Variants in DBP observed in about 807,000 individuals in gnomAD.
The protein encoded by DBP is D-box binding PAR bZIP transcription factor.
Under a neutral mutation model 21.4 loss-of-function variants are expected in DBP, and 12 were observed. That is an observed-to-expected ratio of 0.56 (90% CI 0.36 to 0.91). The LOEUF is 0.91. Among genes scored for constraint, DBP ranks in the 40% least tolerant of loss-of-function variants. The probability of loss-of-function intolerance (pLI) is 0.01; values close to 1 mark genes in which losing one functional copy is unlikely to be tolerated. For synonymous variants in DBP, 213 were observed against 224.9 expected, an observed-to-expected ratio of 0.95 and a Z score of 0.47; for missense variants, 423 against 473.4, an observed-to-expected ratio of 0.89 and a Z score of 0.99.
chr19:48,633,809 A>G (rs950425043), intron 2 of DBP, 154 bp from the exon 3 acceptor site: 1 of 678,390 alleles, frequency 1.5e-6, no homozygotes, highest in Non-Finnish European at 2.5e-6. Flanking sequence ...TAAAATATGA[A>G]GGTTCCCTTG....
intron 3 of DBP, chr19:48,633,096 C>G (rs1169096510): frequency 2.0e-6 from 1 of 509,396 alleles, no homozygotes; most frequent in Non-Finnish European, 3.5e-6. Context: ...CAGGCACAAG[C>G]AGTCCTCCCA....
chr19:48,634,533 A>G, intron 2 of DBP: 1 of 247,132 alleles, frequency 4.0e-6, no homozygotes, highest in Non-Finnish European at 6.5e-6. Context: ...AGCCGGGGCC[A>G]GCTAAGGACA....
At chr19:48,631,105 C>A in intron 3 of DBP, 53 bp from the exon 4 acceptor site, 1 of 1,527,340 alleles carries the variant, frequency 6.5e-7, no homozygotes. Flanking sequence ...CAGGTCCCAG[C>A]GAGAGAGGAA....
chr19:48,635,087 C>G, intron 2 of DBP: 8 of 987,460 alleles, frequency 8.1e-6, no homozygotes, highest in African/African-American at 1.7e-5. Context: ...GCACGCCCCA[C>G]TGGGGGACCC....
At position 48,630,463 on chromosome 19, in the gene DBP, C is replaced by A. The variant is rs1385546158; in HGVS notation, c.*374G>T. 6.8e-6 allele frequency: 10 copies of A among 1,469,488 alleles called. No homozygotes were observed. The highest frequency in any genetic ancestry group is 1.4e-5 in the African/African-American group (1 of 70,422). The allele number at this position is 1,469,488 out of a possible 1,614,324, so 91.0% of individuals were successfully genotyped here. ...CGGGAGGACTCAGACTCCAGCACTT[C>A]CAGCAGCGCCTGCCCTCTATGGACG... is the stretch of plus-strand genomic sequence containing the variant. On this transcript the variant is annotated 3_prime_UTR_variant, in exon 4 of 4. Coordinates refer to ENST00000222122, the MANE Select transcript of DBP (RefSeq NM_001352.5). The surrounding 1 kb of genome is among the most constrained non-coding windows in gnomAD (Gnocchi z 4.9).
intron 1 of DBP, among the ~76,000 whole-genome samples, chr19:48,636,335 G>GA (rs541555305): frequency 1.8e-4 from 28 of 152,060 alleles, no homozygotes; most frequent in South Asian, 8.3e-4. Context: ...GCAGGTGAGA[G>GA]AAAAAATGAC....
intron 1 of DBP, 41 bp downstream of exon 1, chr19:48,636,815 G>A: frequency 2.5e-6 from 4 of 1,606,686 alleles, no homozygotes; most frequent in Non-Finnish European, 2.5e-6. Flanking sequence ...CCCTAAGGGG[G>A]TAGGGTGTCC....
At position 48,630,561 on chromosome 19, in the gene DBP, C is replaced by T; in HGVS notation, c.*276G>A. On this transcript the variant is annotated 3_prime_UTR_variant, in exon 4 of 4. Coordinates refer to ENST00000222122, the MANE Select transcript of DBP (RefSeq NM_001352.5). The surrounding 1 kb of genome is among the most constrained non-coding windows in gnomAD (Gnocchi z 4.9). ...CCCTCTTCTTCCACAACAGCTGGCT[C>T]TGGGGTTCTCAAGATTTATTCAGGA... 6.5e-7 allele frequency: 1 copy of T among 1,535,290 alleles called. No homozygotes were observed. Among genetic ancestry groups the T allele is most frequent in the Non-Finnish European group, 8.7e-7 (1 of 1,146,554 alleles).
intron 1 of DBP, 75 bp from the exon 2 acceptor site, chr19:48,636,065 G>A (rs2030781668): frequency 3.3e-5 from 45 of 1,373,568 alleles, no homozygotes; most frequent in African/African-American, 4.6e-5. Flanking sequence ...CCCCGAGTCC[G>A]AGAGGCACAG....
chr19:48,636,626 G>A (rs1053907261), intron 1 of DBP, among the ~76,000 whole-genome samples: 4 of 152,184 alleles, frequency 2.6e-5, no homozygotes, highest in African/African-American at 7.2e-5. Context: ...CGGGGAGGAC[G>A]TTGGGGACGT....
In DBP at chr19:48,634,175, C is replaced by G. The variant is rs2030697964; in HGVS notation, c.551-520G>C. 6.8e-5 allele frequency: 11 copies of G among 162,352 alleles called. No homozygotes were observed. The South Asian group carries it at 1.6e-3, about 24-fold the overall frequency. 10.1% of individuals were successfully genotyped at this position (162,352 alleles called of 1,614,324 possible). A position where few individuals can be genotyped will look rare whatever the true frequency, so the allele number is the denominator to read the frequency against. On this transcript the variant is annotated intron_variant, in intron 2 of 3. Coordinates refer to ENST00000222122, the MANE Select transcript of DBP (RefSeq NM_001352.5). ...CTTAGAGATCATGGAGCCATATCCA[C>G]CTTTACAAACAAGGAAACTGAGTCC...
At position 48,630,743 on chromosome 19, in the gene DBP, TG is replaced by T; in HGVS notation, c.*93del. On this transcript the variant is annotated 3_prime_UTR_variant, in exon 4 of 4. Coordinates refer to ENST00000222122, the MANE Select transcript of DBP (RefSeq NM_001352.5). The surrounding 1 kb of genome is among the most constrained non-coding windows in gnomAD (Gnocchi z 4.9). ...TTATCACGTCCCTGGGGCACCCAGC[TG>T]GCCGGCCCGTGGGCCACAGGGCAGG... 1 of 1,443,882 alleles carries T rather than the reference TG, an allele frequency of 6.9e-7. No homozygotes were observed. The highest frequency in any genetic ancestry group is 9.3e-7 in the Non-Finnish European group (1 of 1,079,464). 89.4% of individuals were successfully genotyped at this position (1,443,882 alleles called of 1,614,324 possible).
chr19:48,633,291 G>C (rs756224738), intron 3 of DBP, 153 bp downstream of exon 3: 1 of 799,836 alleles, frequency 1.3e-6, no homozygotes, highest in East Asian at 2.4e-5. Context: ...CTTGTGCCCC[G>C]TGGCCAAGGA....
At position 48,630,056 on chromosome 19, in the gene DBP, C is replaced by A; in HGVS notation, c.*781G>T. On this transcript the variant is annotated 3_prime_UTR_variant, in exon 4 of 4. Coordinates refer to ENST00000222122, the MANE Select transcript of DBP (RefSeq NM_001352.5). This position sits in a 1 kb window ranked among gnomAD's most constrained non-coding sequence, Gnocchi z 4.9. Reference sequence around the variant, plus strand: ...TACGGGGCAGGGCTCAGTCCTGACGCTTGCCACCTGCTCCTACCCGGCCAG... The same window carrying A: ...TACGGGGCAGGGCTCAGTCCTGACGATTGCCACCTGCTCCTACCCGGCCAG... 1 of 1,296,768 alleles carries A rather than the reference C, an allele frequency of 7.7e-7. No homozygotes were observed. Among genetic ancestry groups the A allele is most frequent in the Non-Finnish European group, 9.8e-7 (1 of 1,023,808 alleles). 80.3% of individuals were successfully genotyped at this position (1,296,768 alleles called of 1,614,324 possible). A position where few individuals can be genotyped will look rare whatever the true frequency, so the allele number is the denominator to read the frequency against.
At chr19:48,636,720 C>T in intron 1 of DBP, 136 bp downstream of exon 1, 2 of 1,115,680 alleles carry the variant, frequency 1.8e-6, no homozygotes, top group Non-Finnish European at 2.5e-6. Flanking sequence ...GGCCTAAACA[C>T]CTGAGTAATT....
chr19:48,633,238 C>T (rs1337157001), intron 3 of DBP: 8 of 649,522 alleles, frequency 1.2e-5, no homozygotes, highest in East Asian at 5.1e-5. Context: ...TGAGGCCCCT[C>T]GCCCAGTTGA....
intron 2 of DBP, chr19:48,634,424 A>G (rs1245700223): frequency 6.6e-6 from 1 of 152,506 alleles, no homozygotes; most frequent in East Asian, 1.9e-4. Context: ...CTCTCAAGTT[A>G]GAGTCTAAGA....
Position 48,636,968 on chromosome 19 carries a change from G to T in DBP, c.27C>A (p.Thr9=). 2.0e-6 allele frequency: 3 copies of T among 1,527,132 alleles called. No homozygotes were observed. The South Asian group carries it at 3.7e-5, about 19-fold the overall frequency. 94.6% of individuals were successfully genotyped at this position (1,527,132 alleles called of 1,614,324 possible). A position where few individuals can be genotyped will look rare whatever the true frequency, so the allele number is the denominator to read the frequency against. MARPVSDR[T]PAPLLLGGPA... is the part of the protein sequence containing the mutation. The stretch of plus-strand genomic sequence containing the variant: ...GGCCGCCCAGCAGCAGAGGGGCCGG[G>T]GTCCTGTCGCTCACAGGCCGCGCCA... The change falls in exon 1 of 4, where the codon ACC becomes ACA. Residue 9 remains threonine (T), a synonymous_variant. Coordinates refer to ENST00000222122, the MANE Select transcript of DBP (RefSeq NM_001352.5).
chr19:48,636,960 G>T lies in DBP; in HGVS notation c.35C>A (p.Pro12His). ...CCCGGCCGGGCCGCCCAGCAGCAGA[G>T]GGGCCGGGGTCCTGTCGCTCACAGG... ...ARPVSDRTPA[P>H]LLLGGPAGTP... The change falls in exon 1 of 4, where the codon CCT (proline) becomes CAT (histidine). Residue 12 changes from proline to histidine, a missense_variant. Physicochemically the swap from Pro to His is moderately conservative, Grantham distance 77. This residue lies in a region of DBP where 283 missense variants were observed against 273.7 expected (regional missense o/e 1.03). Coordinates refer to ENST00000222122, the MANE Select transcript of DBP (RefSeq NM_001352.5). The T allele has an allele frequency of 6.5e-7, 1 of 1,548,536 alleles. No homozygotes were observed. Among genetic ancestry groups the T allele is most frequent in the Admixed American group, 2.0e-5 (1 of 50,338 alleles).
Sources: gnomAD v4.1 joint callset for allele counts (sites outside exome capture counted in the v4.1 genomes callset) on GRCh38, gnomAD v4.1.1 for gene constraint, gnomAD v4.1.1 regional missense constraint, Gnocchi (gnomAD v3.1) non-coding constraint, MANE v1.5 for transcripts, NCBI Gene and HGNC (gene_info 2026-07-23, HGNC 2026-07-21) for gene names.